RICTOR: variants seen among roughly 807,000 people sequenced by gnomAD.
RICTOR encodes RPTOR independent companion of MTOR complex 2, also known as rapamycin-insensitive companion of mTOR.
Under a neutral mutation model 214.9 loss-of-function variants are expected in RICTOR, and 49 were observed. That is an observed-to-expected ratio of 0.23 (90% CI 0.18 to 0.29). RICTOR has a LOEUF of 0.29. Among genes scored for constraint, RICTOR ranks in the 10% least tolerant of loss-of-function variants. RICTOR has a pLI of 1.00. For missense variants in RICTOR, 1,625 were observed against 2,047.0 expected, an observed-to-expected ratio of 0.79 and a Z score of 3.98; for synonymous variants, 717 against 711.3, an observed-to-expected ratio of 1.01 and a Z score of -0.13.
At chr5:39,003,721 G>C in intron 3 of RICTOR, 99 bp from the exon 4 acceptor site, 2 of 648,870 alleles carry the variant, frequency 3.1e-6, no homozygotes, top group Non-Finnish European at 5.1e-6. Context: ...TATTTTTATG[G>C]AATAATATTT....
chr5:38,979,704 G>A lies in RICTOR; in HGVS notation c.754-1054C>T, dbSNP rs528603697. 6.6e-5 allele frequency among the ~76,000 whole-genome samples: 10 copies of A among 152,162 alleles called. 1 individual carries two copies. Among genetic ancestry groups the A allele is most frequent in the African/African-American group, 1.2e-4 (5 of 41,432 alleles). On this transcript the variant is annotated intron_variant, in intron 8 of 37. Transcript: ENST00000357387. ...GTCTGACTGGAGCTAGAGGATCTGC[G>A]TCAACAAGTGTCATTCACAAGGTGC...
chr5:38,977,001 A>G (rs1751292426), intron 9 of RICTOR, among the ~76,000 whole-genome samples: 1 of 152,248 alleles, frequency 6.6e-6, no homozygotes, highest in Non-Finnish European at 1.5e-5. Flanking sequence ...AGTATACAGC[A>G]TATAGCAGGC....
rs1316909708 is a variant in RICTOR at position 38,945,688 on chromosome 5, G to A, written c.4436C>T (p.Ser1479Phe). 6.2e-7 allele frequency: 1 copy of A among 1,613,218 alleles called. No homozygotes were observed. Among genetic ancestry groups the A allele is most frequent in the Non-Finnish European group, 8.5e-7 (1 of 1,179,314 alleles). Residue 1479 changes from serine to phenylalanine, a missense_variant, in exon 34 of 38, where the codon TCT becomes TTT. This residue lies in a region of RICTOR where 1,214 missense variants were observed against 1,470.5 expected (regional missense o/e 0.83). Coordinates refer to ENST00000357387, the MANE Select transcript of RICTOR (RefSeq NM_152756.5). ...PSGTGGLVKNSFHLLRQQMSL... is the reference protein window; with the variant it reads ...PSGTGGLVKNFFHLLRQQMSL... ...CATCTGCTGTCGTAGCAAGTGAAAA[G>A]AATTTTTTACAAGACCTCCAGTTCC... is the stretch of plus-strand genomic sequence containing the variant.
chr5:38,947,879 A>G (rs1356833472), intron 31 of RICTOR, among the ~76,000 whole-genome samples: 19 of 152,172 alleles, frequency 1.2e-4, no homozygotes, highest in Admixed American at 1.0e-3. Flanking sequence ...GATCAATTAC[A>G]TATCATTATT....
intron 10 of RICTOR, among the ~76,000 whole-genome samples, chr5:38,972,663 T>C (rs1750882123): frequency 6.6e-6 from 1 of 151,992 alleles, no homozygotes. Context: ...GATGGGAGTA[T>C]AAAATAGTGT....
chr5:38,990,914 A>G (rs1752728510), intron 7 of RICTOR, 35 bp downstream of exon 7: 1 of 1,452,262 alleles, frequency 6.9e-7, no homozygotes, highest in African/African-American at 1.4e-5. Context: ...CCTTTCTAAA[A>G]TATTACATTT....
chr5:39,061,660 A>G (rs1283026049), intron 2 of RICTOR, among the ~76,000 whole-genome samples: 1 of 151,988 alleles, frequency 6.6e-6, no homozygotes, highest in African/African-American at 2.4e-5. Context: ...TGATGTATGC[A>G]AAGAATTCCT....
intron 2 of RICTOR, among the ~76,000 whole-genome samples, chr5:39,041,236 C>A (rs1757143998): frequency 6.6e-6 from 1 of 152,110 alleles, no homozygotes; most frequent in East Asian, 1.9e-4. Context: ...GCAATATGTA[C>A]ATTAACATGG....
At chr5:39,039,555 G>A (rs1400580070) in intron 2 of RICTOR, among the ~76,000 whole-genome samples, 1 of 152,110 alleles carries the variant, frequency 6.6e-6, no homozygotes, top group Non-Finnish European at 1.5e-5. Context: ...GAAAATTTTT[G>A]CAACCTACTC....
At position 39,012,533 on chromosome 5, in the gene RICTOR, C is replaced by A. The variant is rs1239271; in HGVS notation, c.195+8506G>T. ...AAAACATGGACATCCTGCGAAGCCTCTACTAATAATCAAGTTGCTAATTAA... is the reference window on the plus strand; with the variant it reads ...AAAACATGGACATCCTGCGAAGCCTATACTAATAATCAAGTTGCTAATTAA... On this transcript the variant is annotated intron_variant, in intron 3 of 37. Coordinates refer to ENST00000357387, the MANE Select transcript of RICTOR (RefSeq NM_152756.5). Among the ~76,000 whole-genome samples the A allele has an allele frequency of 7.8e-3, 1,188 of 152,302 alleles. 22 individuals carry two copies. The highest frequency in any genetic ancestry group is 0.028 in the African/African-American group (1,156 of 41,570).
At chr5:38,970,059 A>G (rs1750646133) in intron 11 of RICTOR, 1 of 152,200 alleles carries the variant, frequency 6.6e-6, no homozygotes, top group Non-Finnish European at 1.5e-5. Context: ...AACTGCCTAC[A>G]GTACTCAGTA....
intron 6 of RICTOR, among the ~76,000 whole-genome samples, chr5:38,992,204 A>C (rs913985528): frequency 6.6e-6 from 1 of 152,180 alleles, no homozygotes; most frequent in Non-Finnish European, 1.5e-5. Flanking sequence ...GAATCTACAA[A>C]AGCTTTCATA....
chr5:39,014,601 T>C (rs2150126275), intron 3 of RICTOR, among the ~76,000 whole-genome samples: 1 of 152,292 alleles, frequency 6.6e-6, no homozygotes, highest in Middle Eastern at 3.4e-3. Flanking sequence ...ACTTTTAAGA[T>C]ATAAACGAGC....
chr5:38,950,823 A>T (rs1748715112), intron 30 of RICTOR, 103 bp from the exon 31 acceptor site: 2 of 936,798 alleles, frequency 2.1e-6, no homozygotes, highest in Middle Eastern at 2.7e-4. Flanking sequence ...AGTCATCTAG[A>T]GGAAAAAATT....
chr5:38,965,930 T>G (rs940108890), intron 15 of RICTOR, among the ~76,000 whole-genome samples: 1 of 152,086 alleles, frequency 6.6e-6, no homozygotes, highest in Non-Finnish European at 1.5e-5. Flanking sequence ...TTTTAAATGG[T>G]TCTTTTTATT....
chr5:38,948,929 T>C (rs916551666), intron 31 of RICTOR, among the ~76,000 whole-genome samples: 3 of 152,044 alleles, frequency 2.0e-5, no homozygotes, highest in Non-Finnish European at 4.4e-5. Context: ...TGATGATAAA[T>C]AGCTAACTTT....
At chr5:39,031,041 C>A (rs1437209162) in intron 2 of RICTOR, among the ~76,000 whole-genome samples, 5 of 152,164 alleles carry the variant, frequency 3.3e-5, no homozygotes, top group Non-Finnish European at 7.4e-5. Context: ...GTCATTATCT[C>A]TTCTTCTAGG....
At chr5:39,056,228 A>AC (rs1758196808) in intron 2 of RICTOR, among the ~76,000 whole-genome samples, 1 of 152,212 alleles carries the variant, frequency 6.6e-6, no homozygotes, top group Non-Finnish European at 1.5e-5. Context: ...TGTTCTAAGC[A>AC]CCAAGGATGC....
chr5:39,059,165 A>C (rs2150201967), intron 2 of RICTOR, among the ~76,000 whole-genome samples: 1 of 152,324 alleles, frequency 6.6e-6, no homozygotes, highest in South Asian at 2.1e-4. Flanking sequence ...CAACATGGTG[A>C]TAAGACATAA....
Sources: allele counts gnomAD v4.1 joint callset (sites outside exome capture counted in the v4.1 genomes callset), GRCh38; gene constraint gnomAD v4.1.1; regional missense constraint gnomAD v4.1.1; transcripts MANE v1.5; gene names NCBI Gene and HGNC (gene_info 2026-07-23, HGNC 2026-07-21).